The following HLF variants were observed in gnomAD, a reference collection of about 807,000 sequenced individuals.
HLF encodes the protein hepatic leukemia factor.
A neutral mutation model predicts 22.6 loss-of-function variants in HLF; 3 were observed. That is an observed-to-expected ratio of 0.13 (90% CI 0.06 to 0.34). The LOEUF is 0.34. Among genes scored for constraint, HLF ranks in the 10% least tolerant of loss-of-function variants. The pLI is 1.00. For missense variants in HLF, 299 were observed against 389.2 expected (o/e 0.77, Z 1.95); for synonymous variants, 151 against 151.8 (o/e 0.99, Z 0.04).
At chr17:55,295,215 C>T (rs548937259) in intron 2 of HLF, among the ~76,000 whole-genome samples, 7 of 152,174 alleles carry the variant, frequency 4.6e-5, no homozygotes, top group Admixed American at 4.6e-4. Context: ...GGGAGATGAT[C>T]CTTGAGTTGT....
At chr17:55,303,469 A>G (rs1598404048) in intron 2 of HLF, among the ~76,000 whole-genome samples, 1 of 152,182 alleles carries the variant, frequency 6.6e-6, no homozygotes, top group East Asian at 1.9e-4. Context: ...TTTGGGATGG[A>G]GTGAGAAGCA....
At chr17:55,278,679 G>A (rs138356394) in intron 2 of HLF, among the ~76,000 whole-genome samples, 2 of 152,288 alleles carry the variant, frequency 1.3e-5, no homozygotes, top group African/African-American at 4.8e-5. Context: ...CAAGATATGA[G>A]GGGTTATTTT....
intron 1 of HLF, chr17:55,266,753 A>G (rs1466232717): frequency 2.0e-5 from 18 of 894,174 alleles, no homozygotes; most frequent in Non-Finnish European, 2.3e-5. Flanking sequence ...GATGAAACTC[A>G]GAAGCAAATT....
At chr17:55,296,858 G>A (rs1251291624) in intron 2 of HLF, among the ~76,000 whole-genome samples, 1 of 151,046 alleles carries the variant, frequency 6.6e-6, no homozygotes, top group Non-Finnish European at 1.5e-5. Flanking sequence ...TTTTTACAGA[G>A]CCCAGGCCCC....
intron 2 of HLF, 53 bp downstream of exon 2, chr17:55,268,139 A>G: frequency 7.7e-7 from 1 of 1,296,156 alleles, no homozygotes; most frequent in Non-Finnish European, 1.1e-6. Flanking sequence ...GGTGAATGGG[A>G]CAGGCAAGGT....
intron 2 of HLF, among the ~76,000 whole-genome samples, chr17:55,294,373 C>T (rs1405364713): frequency 1.3e-5 from 2 of 152,134 alleles, no homozygotes; most frequent in African/African-American, 4.8e-5. Flanking sequence ...ATCAGCTGTG[C>T]GTGTGGCCCT....
chr17:55,265,544 C>T lies in HLF; in HGVS notation c.60C>T (p.Gly20=). Residue 20 remains glycine (G), a synonymous_variant, in exon 1 of 4, where the codon GGC becomes GGT. Coordinates refer to ENST00000226067, the MANE Select transcript of HLF (RefSeq NM_002126.5). ...CCACCTTTATCCCGCCTCCCTACGG[C>T]GTGCTCAGGTCCCTGCTGGAGAACC... The part of the protein sequence containing the change: ...LNPTFIPPPY[G]VLRSLLENPL... 1 of 1,610,696 alleles carries T rather than the reference C, an allele frequency of 6.2e-7. No homozygotes were observed. The highest frequency in any genetic ancestry group is 2.3e-5 in the East Asian group (1 of 44,400).
At chr17:55,272,052 A>G (rs1219098356) in intron 2 of HLF, 2 of 152,216 alleles carry the variant, frequency 1.3e-5, no homozygotes, top group Non-Finnish European at 2.9e-5. Flanking sequence ...TGAAGGGAAG[A>G]GTAGTGGTTC....
At chr17:55,303,653 G>C (rs1232618973) in intron 2 of HLF, among the ~76,000 whole-genome samples, 1 of 152,240 alleles carries the variant, frequency 6.6e-6, no homozygotes, top group Non-Finnish European at 1.5e-5. Context: ...ATTTGTATTA[G>C]AAAAGGTTTA....
chr17:55,319,818 A>G (rs1484428729), intron 3 of HLF, among the ~76,000 whole-genome samples: 1 of 152,164 alleles, frequency 6.6e-6, no homozygotes, highest in South Asian at 2.1e-4. Context: ...AAAGTCTTAC[A>G]TCTTTGCCTC....
At chr17:55,289,323 G>T (rs896856832) in intron 2 of HLF, among the ~76,000 whole-genome samples, 1 of 152,204 alleles carries the variant, frequency 6.6e-6, no homozygotes, top group African/African-American at 2.4e-5. Context: ...AGTTGGAGCA[G>T]ATTGATCCCT....
At chr17:55,289,472 A>G (rs1306969578) in intron 2 of HLF, among the ~76,000 whole-genome samples, 1 of 152,178 alleles carries the variant, frequency 6.6e-6, no homozygotes, top group East Asian at 1.9e-4. Flanking sequence ...TGCTTCTCCT[A>G]TTCAGTTTAG....
chr17:55,323,638 T>TAC lies in HLF; in HGVS notation c.*2768_*2769dup, dbSNP rs1905342940. Reference sequence around the variant, plus strand: ...CCTTATATGTAGGTCATTGTCACGATACACACACACGAACACTCCCTCTGG... The same window carrying TAC: ...CCTTATATGTAGGTCATTGTCACGATACACACACACACGAACACTCCCTCTGG... On this transcript the variant is annotated 3_prime_UTR_variant, in exon 4 of 4. Transcript: ENST00000226067. The TAC allele has an allele frequency of 1.3e-5, 3 of 228,836 alleles. No homozygotes were observed. Among genetic ancestry groups the TAC allele is most frequent in the East Asian group, 1.2e-4 (2 of 16,028 alleles). The allele number at this position is 228,836 out of a possible 1,614,324, so 14.2% of individuals were successfully genotyped here.
intron 2 of HLF, among the ~76,000 whole-genome samples, chr17:55,310,111 AGGTAAC>A (rs1904762376): frequency 6.6e-6 from 1 of 152,234 alleles, no homozygotes; most frequent in Non-Finnish European, 1.5e-5. Context: ...TTGGGTTTGA[AGGTAAC>A]TTCTATTCTT....
chr17:55,281,191 C>G (rs2080952129), intron 2 of HLF, among the ~76,000 whole-genome samples: 1 of 152,176 alleles, frequency 6.6e-6, no homozygotes, highest in South Asian at 2.1e-4. Context: ...CTAAAGCTCC[C>G]TCAGCATATT....
intron 1 of HLF, 49 bp downstream of exon 1, chr17:55,265,648 TC>T (rs759015494): frequency 7.3e-7 from 1 of 1,362,708 alleles, no homozygotes; most frequent in South Asian, 1.2e-5. Flanking sequence ...GCTCCGGGGG[TC>T]CCCCTCCGCG....
intron 2 of HLF, chr17:55,283,366 G>A (rs1226847179): frequency 6.6e-6 from 1 of 152,320 alleles, no homozygotes; most frequent in Non-Finnish European, 1.5e-5. Flanking sequence ...TCTGGGCTCA[G>A]TGAAGAGTTC....
Position 55,276,289 on chromosome 17 carries a change from G to A in HLF, c.451+8203G>A, listed in dbSNP as rs572646994. 1.2e-4 allele frequency among the ~76,000 whole-genome samples: 19 copies of A among 152,280 alleles called. No individual in the cohort carries two copies. In the South Asian group the frequency reaches 3.7e-3, roughly 30 times the overall value. ...GTTTCAAGAGACAGTGATTTAGTAG[G>A]GAAGATAAGACTTTTAGGCAAAGTG... On this transcript the variant is annotated intron_variant, in intron 2 of 3. Transcript: ENST00000226067.
intron 2 of HLF, among the ~76,000 whole-genome samples, chr17:55,293,275 A>G (rs893892186): frequency 2.6e-5 from 4 of 152,110 alleles, no homozygotes; most frequent in African/African-American, 4.8e-5. Context: ...TTGAGGTGCT[A>G]TATGTGCCTG....
Sources: gnomAD v4.1 joint callset for allele counts (sites outside exome capture counted in the v4.1 genomes callset) on GRCh38, gnomAD v4.1.1 for gene constraint, MANE v1.5 for transcripts, NCBI Gene and HGNC (gene_info 2026-07-23, HGNC 2026-07-21) for gene names.